Variants in LPA observed in about 807,000 individuals in gnomAD.
LPA encodes the protein apolipoprotein(a).
Under a neutral mutation model 197.9 loss-of-function variants are expected in LPA, and 199 were observed. That is an observed-to-expected ratio of 1.01 (90% CI 0.90 to 1.13). The LOEUF is 1.13. Among genes scored for constraint, LPA ranks in the 50% most tolerant of loss-of-function variants. The probability of loss-of-function intolerance (pLI) is 0.00; values close to 1 mark genes in which losing one functional copy is unlikely to be tolerated. For synonymous variants in LPA, 715 were observed against 639.5 expected (o/e 1.12, Z -1.78); for missense variants, 1,853 against 1,785.8 (o/e 1.04, Z -0.68).
intron 2 of LPA, among the ~76,000 whole-genome samples, chr6:160,646,952 C>A (rs1280436641): frequency 6.6e-6 from 1 of 152,086 alleles, no homozygotes; most frequent in Non-Finnish European, 1.5e-5. Flanking sequence ...AAGGCTCTAC[C>A]TTTCCCATGG....
Position 160,591,095 on chromosome 6 carries a change from C to G in LPA, c.3636G>C (p.Leu1212=). The change falls in exon 23 of 39, where the codon CTG becomes CTC. Residue 1212 remains leucine (L), a synonymous_variant. Transcript: ENST00000316300. ...CTGGATTCCTGCAGTAGTTCCTGGT[C>G]AGGCCACTGCAAATTACAAAACAAT... ...RTTEYYPNGG[L]TRNYCRNPDA... 1 of 1,613,492 alleles carries G rather than the reference C, an allele frequency of 6.2e-7. No homozygotes were observed. The highest frequency in any genetic ancestry group is 2.2e-5 in the East Asian group (1 of 44,804).
rs1408171940 is a variant in LPA, at chr6:160,547,854, G to C, written c.5239C>G (p.Gln1747Glu). ...AACGTGCTGTGTCTATGGGGCTCCTGGGCAGCCCATTCCTGGCATGGCGTC... is the reference window on the plus strand; with the variant it reads ...AACGTGCTGTGTCTATGGGGCTCCTCGGCAGCCCATTCCTGGCATGGCGTC... ...TGTPCQEWAAQEPHRHSTFIP... is the reference protein window; with the variant it reads ...TGTPCQEWAAEEPHRHSTFIP... Residue 1747 changes from glutamine (Q) to glutamate (E), a missense_variant, in exon 32 of 39, where the codon CAG becomes GAG. Gln to Glu is a conservative substitution (Grantham distance 29). Around this residue, in one of 3 missense-constraint regions of LPA, gnomAD observed 1,737 missense variants for 1,504.4 expected, o/e 1.15. Transcript: ENST00000316300. 1 of 1,614,042 alleles carries C rather than the reference G, an allele frequency of 6.2e-7. No homozygotes were observed. Among genetic ancestry groups the C allele is most frequent in the Admixed American group, 1.7e-5 (1 of 60,010 alleles).
rs568446414 is a variant in LPA at position 160,582,136 on chromosome 6, G to A, written c.4289+2910C>T. On this transcript the variant is annotated intron_variant, in intron 26 of 38. Transcript: ENST00000316300. ...CATTTTCAGTGGAATTGTTTGCTGT[G>A]CATAGCGTTTAAGCTTGCTGGGTTT... 8.5e-4 allele frequency among the ~76,000 whole-genome samples: 129 copies of A among 152,128 alleles called. 2 individuals are homozygous for A. The highest frequency in any genetic ancestry group is 3.0e-3 in the African/African-American group (123 of 41,526).
At chr6:160,534,681 G>C (rs112842440) in intron 37 of LPA, among the ~76,000 whole-genome samples, 5 of 152,156 alleles carry the variant, frequency 3.3e-5, no homozygotes, top group African/African-American at 1.2e-4. Context: ...TGATAAGCAG[G>C]CCTGAGTTAT....
intron 28 of LPA, among the ~76,000 whole-genome samples, chr6:160,568,528 T>G (rs1778504627): frequency 6.6e-6 from 1 of 152,152 alleles, no homozygotes; most frequent in South Asian, 2.1e-4. Flanking sequence ...ATAGCCAATA[T>G]CATACTGAAT....
At chr6:160,584,729 G>T (rs1408894744) in intron 26 of LPA, among the ~76,000 whole-genome samples, 1 of 152,142 alleles carries the variant, frequency 6.6e-6, no homozygotes, top group Non-Finnish European at 1.5e-5. Flanking sequence ...TTGAAAGACT[G>T]CATGGACCTT....
chr6:160,657,649 C>T (rs749063259), intron 1 of LPA, among the ~76,000 whole-genome samples: 14 of 152,102 alleles, frequency 9.2e-5, no homozygotes, highest in African/African-American at 2.2e-4. Context: ...TGCCCGCCCC[C>T]GCCTCCCAAG....
intron 20 of LPA, among the ~76,000 whole-genome samples, chr6:160,598,713 C>A (rs1336987328): frequency 6.6e-6 from 1 of 152,156 alleles, no homozygotes; most frequent in East Asian, 1.9e-4. Flanking sequence ...CTGGGCAGAC[C>A]GTATCTCTTC....
chr6:160,542,893 A>C, intron 33 of LPA, 85 bp from the exon 34 acceptor site: 8 of 1,560,236 alleles, frequency 5.1e-6, no homozygotes, highest in Non-Finnish European at 7.1e-6. Flanking sequence ...TCCAAGCACT[A>C]GTTTTTCACA....
At chr6:160,539,504 TTTGTTGAGACAGG>T (rs1325649701) in intron 36 of LPA, among the ~76,000 whole-genome samples, 3 of 152,108 alleles carry the variant, frequency 2.0e-5, no homozygotes, top group Admixed American at 6.5e-5. Flanking sequence ...TTTCTTTTCT[TTTGTTGAGACAGG>T]GTCTTGATCT....
intron 18 of LPA, among the ~76,000 whole-genome samples, chr6:160,604,320 T>A (rs1779302257): frequency 6.6e-6 from 1 of 152,152 alleles, no homozygotes; most frequent in African/African-American, 2.4e-5. Flanking sequence ...GATCTCATTG[T>A]TCCCCCTGTC....
intron 27 of LPA, 91 bp downstream of exon 27, chr6:160,578,432 C>A: frequency 6.6e-7 from 1 of 1,515,180 alleles, no homozygotes; most frequent in Non-Finnish European, 9.1e-7. Context: ...CTCAACCAAC[C>A]CTCCAGTGTA....
At chr6:160,593,592 A>G (rs1476068116) in intron 22 of LPA, among the ~76,000 whole-genome samples, 2 of 152,138 alleles carry the variant, frequency 1.3e-5, no homozygotes, top group Non-Finnish European at 2.9e-5. Context: ...GGCTAATACA[A>G]CCTTCACTTC....
intron 37 of LPA, 48 bp downstream of exon 37, chr6:160,537,807 C>T: frequency 6.5e-7 from 1 of 1,541,218 alleles, no homozygotes; most frequent in Non-Finnish European, 9.0e-7. Context: ...GTAACATGCA[C>T]TGAAGGTCAA....
intron 30 of LPA, among the ~76,000 whole-genome samples, chr6:160,554,324 T>A (rs1018971596): frequency 3.3e-5 from 5 of 152,202 alleles, no homozygotes; most frequent in African/African-American, 1.2e-4. Flanking sequence ...TCCTGCCTCA[T>A]AAATTTTTAA....
chr6:160,637,540 AGTTTGTGTGTGT>A (rs1779820055), intron 6 of LPA, among the ~76,000 whole-genome samples: 3 of 15,126 alleles, frequency 2.0e-4, no homozygotes, highest in Non-Finnish European at 3.5e-4. Flanking sequence ...GTGTGTTTTC[AGTTTGTGTGTGT>A]GTGTGTGTGT....
Position 160,601,057 on chromosome 6 carries a change from G to A in LPA, c.2987C>T (p.Ala996Val). 6.2e-7 allele frequency: 1 copy of A among 1,614,088 alleles called. No individual in the cohort carries two copies. Among genetic ancestry groups the A allele is most frequent in the Non-Finnish European group, 8.5e-7 (1 of 1,179,958 alleles). ...KNYCRNPDPV[A>V]APWCYTTDPS... ...ATCTGTTGTATAACACCAAGGGGCT[G>A]CCACAGGATCTGGATTTCGGCAGTA... Residue 996 changes from alanine (A) to valine (V), a missense_variant, in exon 19 of 39, where the codon GCA becomes GTA. Coordinates refer to ENST00000316300, the MANE Select transcript of LPA (RefSeq NM_005577.4).
chr6:160,531,601 G>T lies in LPA; in HGVS notation c.*128C>A. ...ACACAAAAATACCAAAAATGCCAAG[G>T]TTTGGCATAGCTGGTAGCTGGGAAC... On this transcript the variant is annotated 3_prime_UTR_variant, in exon 39 of 39. Transcript: ENST00000316300. The T allele has an allele frequency of 1.5e-6, 2 of 1,303,040 alleles. No individual in the cohort carries two copies. The highest frequency in any genetic ancestry group is 2.2e-6 in the Non-Finnish European group (2 of 908,520). 80.7% of individuals were successfully genotyped at this position (1,303,040 alleles called of 1,614,324 possible).
chr6:160,596,643 T>A (rs1779138271), intron 20 of LPA, among the ~76,000 whole-genome samples: 1 of 152,170 alleles, frequency 6.6e-6, no homozygotes, highest in African/African-American at 2.4e-5. Flanking sequence ...CTTCTCTTGT[T>A]GGAAAATGAA....
Sources: gnomAD v4.1 joint callset for allele counts (sites outside exome capture counted in the v4.1 genomes callset) on GRCh38, gnomAD v4.1.1 for gene constraint, gnomAD v4.1.1 regional missense constraint, MANE v1.5 for transcripts, NCBI Gene and HGNC (gene_info 2026-07-23, HGNC 2026-07-21) for gene names.